The following FAM193A variants were observed in gnomAD, a reference collection of about 807,000 sequenced individuals.
The protein encoded by FAM193A is family with sequence similarity 193 member A, also known as protein FAM193A.
In FAM193A, 22 loss-of-function variants were observed where a neutral mutation model predicts 126.5. That is an observed-to-expected ratio of 0.17 (90% CI 0.12 to 0.25). The LOEUF (loss-of-function observed/expected upper bound fraction) is 0.25, where lower values mean the gene tolerates loss of function less well. FAM193A is among the 10% of genes least tolerant of loss of function. The pLI is 1.00. For synonymous variants in FAM193A, 761 were observed against 646.8 expected, an observed-to-expected ratio of 1.18 and a Z score of -2.68; for missense variants, 1,675 against 1,672.8, an observed-to-expected ratio of 1.00 and a Z score of -0.02.
At chr4:2,723,596 A>G (rs1720403883) in intron 20 of FAM193A, among the ~76,000 whole-genome samples, 1 of 152,182 alleles carries the variant, frequency 6.6e-6, no homozygotes. Flanking sequence ...AGTTTGAAGT[A>G]AAAAAGACTA....
intron 1 of FAM193A, among the ~76,000 whole-genome samples, chr4:2,537,979 A>G (rs1736991248): frequency 6.6e-6 from 1 of 152,192 alleles, no homozygotes; most frequent in African/African-American, 2.4e-5. Flanking sequence ...GTTGGTCACA[A>G]CATTTCAGAG....
chr4:2,670,059 A>T (rs920700853), intron 12 of FAM193A, among the ~76,000 whole-genome samples: 2 of 151,876 alleles, frequency 1.3e-5, no homozygotes, highest in Non-Finnish European at 2.9e-5. Context: ...TTCCTCTGGG[A>T]CTTGGTTCTG....
chr4:2,659,655 G>A lies in FAM193A; in HGVS notation c.1487G>A (p.Cys496Tyr), dbSNP rs749396094. The A allele has an allele frequency of 6.2e-7, 1 of 1,613,964 alleles. No homozygotes were observed. Among genetic ancestry groups the A allele is most frequent in the Non-Finnish European group, 8.5e-7 (1 of 1,179,864 alleles). The change falls in exon 9 of 21, where the codon TGC (cysteine) becomes TAC (tyrosine). Residue 496 changes from cysteine (C) to tyrosine (Y), a missense_variant. Physicochemically the swap from Cys to Tyr is radical, Grantham distance 194. This residue lies in a region of FAM193A where 1,186 missense variants were observed against 1,109.2 expected (regional missense o/e 1.07). Transcript: ENST00000637812. ...SRLSMPDCPN[C>Y]NYRRRCACDD... ...CTGAGCATGCCCGACTGCCCCAACT[G>A]CAACTACAGGAGAAGGTAAGGCTGG... is the stretch of plus-strand genomic sequence containing the variant.
Position 2,700,133 on chromosome 4 carries a change from C to G in FAM193A, c.3961C>G (p.Leu1321Val), listed in dbSNP as rs753333057. The G allele has an allele frequency of 1.9e-6, 3 of 1,613,608 alleles. No homozygotes were observed. Among genetic ancestry groups the G allele is most frequent in the Non-Finnish European group, 2.5e-6 (3 of 1,180,004 alleles). Reference sequence around the variant, plus strand: ...GGTGAATGGGAAGCAGCATGAGCCACTCTCTTTTTTCTTCGACATCATGCA... The same window carrying G: ...GGTGAATGGGAAGCAGCATGAGCCAGTCTCTTTTTTCTTCGACATCATGCA... ...KEVNGKQHEP[L>V]SFFFDIMQHH... is the part of the protein sequence containing the mutation. The change falls in exon 19 of 21, where the codon CTC (leucine) becomes GTC (valine). Residue 1321 changes from leucine (L) to valine (V), a missense_variant. By Grantham distance (32) the Leu-to-Val change is conservative (BLOSUM62 1). Transcript: ENST00000637812.
chr4:2,722,506 A>C (rs1720273406), intron 20 of FAM193A, among the ~76,000 whole-genome samples: 1 of 152,212 alleles, frequency 6.6e-6, no homozygotes, highest in Non-Finnish European at 1.5e-5. Flanking sequence ...GGACAGGGTC[A>C]CACATGCACT....
chr4:2,536,069 T>C (rs906033192), upstream of FAM193A, among the ~76,000 whole-genome samples: 5 of 151,892 alleles, frequency 3.3e-5, no homozygotes, highest in African/African-American at 1.2e-4. Context: ...CACCGGGCGT[T>C]CCTGGCGAGG....
At chr4:2,615,708 A>C (rs1192904595) in intron 2 of FAM193A, among the ~76,000 whole-genome samples, 2 of 152,076 alleles carry the variant, frequency 1.3e-5, no homozygotes, top group Non-Finnish European at 2.9e-5. Flanking sequence ...TTGTAGAGAC[A>C]GGGTTTCACC....
rs141633773 is a variant in FAM193A, at chr4:2,659,950, G to A, written c.1641G>A (p.Pro547=). 1,239 of 1,614,066 alleles carry A rather than the reference G, an allele frequency of 7.7e-4. 2 individuals are homozygous for A. Among genetic ancestry groups the A allele is most frequent in the South Asian group, 1.2e-3 (112 of 91,082 alleles). The change falls in exon 10 of 21, where the codon CCG becomes CCA. Residue 547 remains proline (P), a synonymous_variant. Transcript: ENST00000637812. The part of the protein sequence containing the change: ...PAPDYLAERS[P]PSVSSASSGS... ...CTGACTATCTTGCTGAGAGGAGCCC[G>A]CCCAGTGTGTCATCTGCAAGCTCGG...
intron 1 of FAM193A, among the ~76,000 whole-genome samples, chr4:2,550,500 G>A (rs961091830): frequency 6.6e-6 from 1 of 151,684 alleles, no homozygotes; most frequent in Non-Finnish European, 1.5e-5. Flanking sequence ...GTAATGGCAC[G>A]ATCTTGGCTC....
intron 1 of FAM193A, among the ~76,000 whole-genome samples, chr4:2,558,166 G>A (rs1738377820): frequency 6.6e-6 from 1 of 151,986 alleles, no homozygotes; most frequent in Non-Finnish European, 1.5e-5. Flanking sequence ...TAGCTACTGG[G>A]AAGGCTGAAG....
intron 20 of FAM193A, among the ~76,000 whole-genome samples, chr4:2,730,567 G>A (rs1721258784): frequency 6.6e-6 from 1 of 152,088 alleles, no homozygotes; most frequent in Non-Finnish European, 1.5e-5. Flanking sequence ...ATAGGTGCCT[G>A]TAGTCCCAGC....
intron 16 of FAM193A, among the ~76,000 whole-genome samples, chr4:2,694,380 C>A (rs1357256328): frequency 6.6e-6 from 1 of 152,046 alleles, no homozygotes; most frequent in South Asian, 2.1e-4. Context: ...AGCGATTCTT[C>A]TGCCTCAGCC....
In FAM193A at chr4:2,690,899, C is replaced by T. The variant is rs1379170264; in HGVS notation, c.2732C>T (p.Ser911Phe). ...ACGTCATCAGCCACGTCCTCTGTGT[C>T]CTGCACAGCTACCACAGTGCAGTCC... ...MATSSATSSVSCTATTVQSSN... is the reference protein window; with the variant it reads ...MATSSATSSVFCTATTVQSSN... Residue 911 changes from serine to phenylalanine, a missense_variant, in exon 15 of 21, where the codon TCC (serine) becomes TTC (phenylalanine). By Grantham distance (155) the Ser-to-Phe change is radical. Transcript: ENST00000637812. The T allele has an allele frequency of 6.2e-7, 1 of 1,613,824 alleles. No homozygotes were observed. Among genetic ancestry groups the T allele is most frequent in the African/African-American group, 1.3e-5 (1 of 74,926 alleles).
intron 2 of FAM193A, among the ~76,000 whole-genome samples, chr4:2,620,880 G>T (rs928067219): frequency 1.4e-5 from 2 of 148,068 alleles, no homozygotes; most frequent in Non-Finnish European, 3.0e-5. Flanking sequence ...GTAGCGACAG[G>T]TCAGCCACCC....
intron 19 of FAM193A, among the ~76,000 whole-genome samples, chr4:2,712,929 C>A (rs1719138598): frequency 6.6e-6 from 1 of 151,592 alleles, no homozygotes; most frequent in African/African-American, 2.4e-5. Flanking sequence ...ATGGTGAAAC[C>A]CCATCTCTAC....
Position 2,659,541 on chromosome 4 carries a change from T to G in FAM193A, c.1390-17T>G. 6.4e-7 allele frequency: 1 copy of G among 1,572,546 alleles called. No homozygotes were observed. Among genetic ancestry groups the G allele is most frequent in the Non-Finnish European group, 8.8e-7 (1 of 1,142,398 alleles). ...GAAGGGTCTTGCAAGATTAAAGCAT[T>G]TTAAAATTTCCTCTAGTTAACCAAT... On this transcript the variant is annotated splice_polypyrimidine_tract_variant and intron_variant, in intron 8 of 20. Coordinates refer to ENST00000637812, the MANE Select transcript of FAM193A (RefSeq NM_001366318.2).
At chr4:2,701,852 C>T (rs1222651390) in intron 19 of FAM193A, among the ~76,000 whole-genome samples, 1 of 151,618 alleles carries the variant, frequency 6.6e-6, no homozygotes, top group Non-Finnish European at 1.5e-5. Flanking sequence ...TCTCAGCTCA[C>T]CACAACCTCC....
chr4:2,568,890 A>G (rs1158019651), intron 1 of FAM193A, among the ~76,000 whole-genome samples: 3 of 150,608 alleles, frequency 2.0e-5, no homozygotes, highest in Admixed American at 2.0e-4. Context: ...CTCAGAAGGT[A>G]CAGGATAAAG....
In FAM193A at chr4:2,694,966, A is replaced by G; in HGVS notation, c.3113A>G (p.His1038Arg). The G allele has an allele frequency of 6.2e-7, 1 of 1,602,722 alleles. No homozygotes were observed. The highest frequency in any genetic ancestry group is 8.5e-7 in the Non-Finnish European group (1 of 1,175,434). Residue 1038 changes from histidine (H) to arginine (R), a missense_variant, in exon 17 of 21, where the codon CAC (histidine) becomes CGC (arginine). Transcript: ENST00000637812. ...TGCAGTGACCCTGACTGCGAAGGGC[A>G]CCGCTGCGAGAATGGTGTCTACGAC... is the stretch of plus-strand genomic sequence containing the variant. ...SVCSDPDCEGHRCENGVYDPQ... is the reference protein window; with the variant it reads ...SVCSDPDCEGRRCENGVYDPQ...
Sources: gnomAD v4.1 joint callset for allele counts (sites outside exome capture counted in the v4.1 genomes callset) on GRCh38, gnomAD v4.1.1 for gene constraint, gnomAD v4.1.1 regional missense constraint, MANE v1.5 for transcripts, NCBI Gene and HGNC (gene_info 2026-07-23, HGNC 2026-07-21) for gene names.